POPDC1: variants seen among roughly 807,000 people sequenced by gnomAD.
The protein encoded by POPDC1 is popeye domain-containing protein 1.
At chr6:105,124,273 TC>T in the POPDC1 span, among the ~76,000 whole-genome samples, 1 of 150,308 alleles carries the variant, frequency 6.7e-6, no homozygotes, top group East Asian at 2.0e-4. Flanking sequence ...TCCCAGCTAC[TC>T]AGGAGGTTGA....
the POPDC1 span, chr6:105,125,495 T>C: frequency 2.5e-6 from 4 of 1,614,058 alleles, no homozygotes; most frequent in South Asian, 1.1e-5. Flanking sequence ...ACTGTCCAGT[T>C]AGTCTTCTGA....
chr6:105,125,583 A>C, the POPDC1 span: 2 of 1,613,576 alleles, frequency 1.2e-6, no homozygotes, highest in Non-Finnish European at 1.7e-6. Flanking sequence ...CTTTACCTGA[A>C]ATGCAGCAAT....
At chr6:105,116,928 T>C in the POPDC1 span, 12 of 1,470,654 alleles carry the variant, frequency 8.2e-6, no homozygotes, top group Admixed American at 4.4e-5. Flanking sequence ...ATTATGACTA[T>C]AGTGATTTAG....
chr6:105,135,728 G>T, the POPDC1 span, among the ~76,000 whole-genome samples: 231 of 151,460 alleles, frequency 1.5e-3, 5 homozygotes, highest in East Asian at 0.031. Flanking sequence ...GAGAGAGAGA[G>T]ATATATATAG....
At chr6:105,109,143 A>C in the POPDC1 span, among the ~76,000 whole-genome samples, 2 of 151,996 alleles carry the variant, frequency 1.3e-5, no homozygotes, top group African/African-American at 4.8e-5. Context: ...TTTTTTGTAG[A>C]GACAGAGTTT....
the POPDC1 span, chr6:105,129,409 A>G: frequency 6.2e-7 from 1 of 1,612,094 alleles, no homozygotes; most frequent in South Asian, 1.1e-5. Context: ...GATACGACAG[A>G]TGCAAAATGT....
the POPDC1 span, chr6:105,124,461 A>G: frequency 1.1e-6 from 1 of 901,074 alleles, no homozygotes; most frequent in African/African-American, 1.7e-5. Flanking sequence ...CCAATAATTC[A>G]TAGCAGTGTT....
the POPDC1 span, among the ~76,000 whole-genome samples, chr6:105,105,323 G>A: frequency 4.6e-5 from 7 of 152,270 alleles, no homozygotes; most frequent in East Asian, 1.2e-3. Flanking sequence ...CCCCTCGCTT[G>A]GAATTAGAAT....
chr6:105,129,774 C>T, the POPDC1 span, among the ~76,000 whole-genome samples: 1 of 152,178 alleles, frequency 6.6e-6, no homozygotes, highest in African/African-American at 2.4e-5. Context: ...TGATTCACAT[C>T]TCAGGCAGGA....
the POPDC1 span, among the ~76,000 whole-genome samples, chr6:105,107,468 T>C: frequency 6.6e-6 from 1 of 152,238 alleles, no homozygotes; most frequent in East Asian, 1.9e-4. Flanking sequence ...GTGAAGGTCA[T>C]GCCTGTTCCA....
At chr6:105,116,743 T>C in the POPDC1 span, 4 of 1,610,026 alleles carry the variant, frequency 2.5e-6, no homozygotes, top group Admixed American at 5.0e-5. Context: ...AGAGCTTATT[T>C]GTGATGTCTT....
chr6:105,105,790 A>G, the POPDC1 span, among the ~76,000 whole-genome samples: 1 of 152,224 alleles, frequency 6.6e-6, no homozygotes, highest in Admixed American at 6.5e-5. Flanking sequence ...AGGCCCAACT[A>G]TCTTCCAGAG....
chr6:105,130,305 T>G, the POPDC1 span, among the ~76,000 whole-genome samples: 1 of 152,144 alleles, frequency 6.6e-6, no homozygotes, highest in Non-Finnish European at 1.5e-5. Flanking sequence ...TAAACCATAA[T>G]TTATTTAACC....
At chr6:105,121,692 G>C in the POPDC1 span, among the ~76,000 whole-genome samples, 2 of 152,148 alleles carry the variant, frequency 1.3e-5, no homozygotes, top group Non-Finnish European at 2.9e-5. Flanking sequence ...TTCAGAATCT[G>C]TTTTCTCAGC....
At chr6:105,105,500 G>T in the POPDC1 span, among the ~76,000 whole-genome samples, 1 of 152,224 alleles carries the variant, frequency 6.6e-6, no homozygotes. Context: ...GGAGTGAGGG[G>T]CTCACCTGGC....
chr6:105,133,224 C>G, the POPDC1 span: 14 of 696,912 alleles, frequency 2.0e-5, no homozygotes, highest in Middle Eastern at 2.9e-4. Context: ...ACTGCTAATT[C>G]ATTAACAAAG....
At chr6:105,126,352 A>G in the POPDC1 span, among the ~76,000 whole-genome samples, 5 of 152,050 alleles carry the variant, frequency 3.3e-5, no homozygotes, top group Non-Finnish European at 7.4e-5. Context: ...GGATTACTTG[A>G]GCCCAGAAGT....
chr6:105,105,941 T>TTG, the POPDC1 span, among the ~76,000 whole-genome samples: 9 of 152,198 alleles, frequency 5.9e-5, no homozygotes, highest in Non-Finnish European at 1.3e-4. Flanking sequence ...TTATTGCCAA[T>TTG]TGTAGAGGGG....
chr6:105,125,247 T>C, the POPDC1 span: 3 of 918,592 alleles, frequency 3.3e-6, no homozygotes, highest in African/African-American at 1.7e-5. Flanking sequence ...TAAAGTATAG[T>C]TGTAGCAAAA....
Sources: allele counts gnomAD v4.1 joint callset (sites outside exome capture counted in the v4.1 genomes callset), GRCh38; gene constraint gnomAD v4.1.1; transcripts MANE v1.5; gene names NCBI Gene and HGNC (gene_info 2026-07-23, HGNC 2026-07-21).